PLEKHA5: variants seen among roughly 807,000 people sequenced by gnomAD.
PLEKHA5 encodes pleckstrin homology domain-containing family A member 5.
Under a neutral mutation model 181.9 loss-of-function variants are expected in PLEKHA5, and 55 were observed. That is an observed-to-expected ratio of 0.30 (90% CI 0.24 to 0.38). The LOEUF is 0.38. Among genes scored for constraint, PLEKHA5 ranks in the 10% least tolerant of loss-of-function variants. The pLI is 1.00. For missense variants in PLEKHA5, 1,432 were observed against 1,549.5 expected (o/e 0.92, Z 1.27); for synonymous variants, 535 against 529.4 (o/e 1.01, Z -0.15).
At chr12:19,249,235 A>G (rs780559804) in intron 3 of PLEKHA5, among the ~76,000 whole-genome samples, 6 of 152,240 alleles carry the variant, frequency 3.9e-5, no homozygotes, top group Non-Finnish European at 5.9e-5. Context: ...ACAGCATGCC[A>G]GCATCACTAG....
intron 22 of PLEKHA5, 143 bp from the exon 23 acceptor site, chr12:19,345,699 G>A (rs992364322): frequency 7.1e-6 from 3 of 423,942 alleles, no homozygotes; most frequent in African/African-American, 2.1e-5. Context: ...GGAGGCGGAG[G>A]TTGCAGTGAG....
intron 15 of PLEKHA5, among the ~76,000 whole-genome samples, chr12:19,297,295 A>G (rs145976362): frequency 4.6e-5 from 7 of 151,684 alleles, no homozygotes; most frequent in Non-Finnish European, 8.8e-5. Flanking sequence ...GAAGTTTTTC[A>G]TGACAAATCA....
chr12:19,304,822 T>TG (rs748675000), intron 15 of PLEKHA5, among the ~76,000 whole-genome samples: 6 of 151,882 alleles, frequency 4.0e-5, no homozygotes, highest in Non-Finnish European at 5.9e-5. Flanking sequence ...CAGCTGGATG[T>TG]GATGCCTCAT....
intron 3 of PLEKHA5, among the ~76,000 whole-genome samples, chr12:19,238,424 T>C (rs531524766): frequency 1.3e-5 from 2 of 152,226 alleles, no homozygotes; most frequent in East Asian, 1.9e-4. Flanking sequence ...CATTGAAATA[T>C]AGAAGTAGGG....
At chr12:19,159,156 G>A (rs2042411246) in intron 3 of PLEKHA5, among the ~76,000 whole-genome samples, 1 of 152,116 alleles carries the variant, frequency 6.6e-6, no homozygotes, top group South Asian at 2.1e-4. Context: ...AACACAGCTG[G>A]GAATGAAGTA....
chr12:19,171,061 T>G (rs530715667), intron 3 of PLEKHA5, among the ~76,000 whole-genome samples: 1 of 152,200 alleles, frequency 6.6e-6, no homozygotes, highest in Admixed American at 6.5e-5. Flanking sequence ...TTAATTGTGA[T>G]AGAGATATTT....
At chr12:19,321,000 C>T (rs983671120) in intron 18 of PLEKHA5, 1 of 154,076 alleles carries the variant, frequency 6.5e-6, no homozygotes, top group Admixed American at 6.5e-5. Flanking sequence ...GACCCTGTCT[C>T]TACTAAAAAT....
intron 18 of PLEKHA5, chr12:19,321,674 C>G (rs2153043605): frequency 6.6e-6 from 1 of 151,852 alleles, no homozygotes; most frequent in South Asian, 2.1e-4. Flanking sequence ...GCCCAGCCCC[C>G]TACTTTTTCT....
rs746644001 is a variant in PLEKHA5 at position 19,343,343 on chromosome 12, G to A, written c.2571G>A (p.Gln857=). The A allele has an allele frequency of 6.2e-7, 1 of 1,612,822 alleles. No individual in the cohort carries two copies. Among genetic ancestry groups the A allele is most frequent in the Non-Finnish European group, 8.5e-7 (1 of 1,178,930 alleles). ...GEVQTESAGI[Q]RAQIQKELWR... is the part of the protein sequence containing the mutation. Reference sequence around the variant, plus strand: ...GATAGACGGAATCAGCAGGAATTCAGCGTGCACAGATTCAGAAAGAACTTT... The same window carrying A: ...GATAGACGGAATCAGCAGGAATTCAACGTGCACAGATTCAGAAAGAACTTT... The change falls in exon 22 of 32, where the codon CAG becomes CAA. Residue 857 remains glutamine (Q), a synonymous_variant. Transcript: ENST00000429027.
intron 11 of PLEKHA5, among the ~76,000 whole-genome samples, chr12:19,281,427 A>T (rs556162978): frequency 6.7e-4 from 102 of 151,948 alleles, no homozygotes; most frequent in African/African-American, 2.4e-3. Flanking sequence ...AGTACAAAAA[A>T]TTAGCTGGGC....
intron 25 of PLEKHA5, among the ~76,000 whole-genome samples, chr12:19,351,832 G>A (rs2094607410): frequency 6.6e-6 from 1 of 152,112 alleles, no homozygotes; most frequent in Non-Finnish European, 1.5e-5. Flanking sequence ...TCAGCATTTT[G>A]GGAGGCCGAG....
chr12:19,194,636 G>A (rs548600559), intron 3 of PLEKHA5, among the ~76,000 whole-genome samples: 1 of 152,202 alleles, frequency 6.6e-6, no homozygotes, highest in South Asian at 2.1e-4. Flanking sequence ...CCTCTCTACT[G>A]CAGAATGACT....
rs1181696846 is a variant in PLEKHA5 at position 19,130,172 on chromosome 12, G to A, written c.169+42G>A. 4 of 1,368,592 alleles carry A rather than the reference G, an allele frequency of 2.9e-6. No individual in the cohort carries two copies. Among genetic ancestry groups the A allele is most frequent in the Non-Finnish European group, 4.0e-6 (4 of 1,009,508 alleles). The allele number at this position is 1,368,592 out of a possible 1,614,324, so 84.8% of individuals were successfully genotyped here. A position where few individuals can be genotyped will look rare whatever the true frequency, so the allele number is the denominator to read the frequency against. On this transcript the variant is annotated intron_variant, in intron 2 of 31. Transcript: ENST00000429027. This position sits in a 1 kb window ranked among gnomAD's most constrained non-coding sequence, Gnocchi z 4.5. ...ACGGAGTTGGGCTCCGCCTGGAGGA[G>A]GCGGCAGAGCCCGGGCCGCCCGGCT... is the stretch of plus-strand genomic sequence containing the variant.
chr12:19,361,000 C>T (rs2095215892), intron 28 of PLEKHA5, among the ~76,000 whole-genome samples: 1 of 152,088 alleles, frequency 6.6e-6, no homozygotes, highest in African/African-American at 2.4e-5. Context: ...CGTGATCTGC[C>T]CGCCTCAGCC....
chr12:19,267,386 A>AG (rs1430822056), intron 8 of PLEKHA5, among the ~76,000 whole-genome samples: 2 of 152,144 alleles, frequency 1.3e-5, no homozygotes, highest in African/African-American at 4.8e-5. Context: ...GGCCGGGCAC[A>AG]GGGGCTCATG....
At chr12:19,248,323 G>C (rs1348746647) in intron 3 of PLEKHA5, among the ~76,000 whole-genome samples, 1 of 152,178 alleles carries the variant, frequency 6.6e-6, no homozygotes, top group Non-Finnish European at 1.5e-5. Flanking sequence ...GCAGCCACCA[G>C]AGTAGCTGGG....
intron 3 of PLEKHA5, among the ~76,000 whole-genome samples, chr12:19,234,185 C>T (rs1341912369): frequency 6.6e-6 from 1 of 152,170 alleles, no homozygotes; most frequent in Non-Finnish European, 1.5e-5. Flanking sequence ...TAACTGAAAT[C>T]GCCTCTTGAA....
chr12:19,146,744 A>C (rs2039024099), intron 3 of PLEKHA5, among the ~76,000 whole-genome samples: 1 of 152,194 alleles, frequency 6.6e-6, no homozygotes, highest in Non-Finnish European at 1.5e-5. Context: ...GCCAACAGGA[A>C]TATGCTCTCT....
At chr12:19,287,625 A>G in intron 13 of PLEKHA5, 69 bp downstream of exon 13, 1 of 874,442 alleles carries the variant, frequency 1.1e-6, no homozygotes, top group Non-Finnish European at 1.8e-6. Context: ...CATATCTAAC[A>G]TAATTTTTAA....
Sources: allele counts gnomAD v4.1 joint callset (sites outside exome capture counted in the v4.1 genomes callset), GRCh38; gene constraint gnomAD v4.1.1; non-coding constraint Gnocchi (gnomAD v3.1); transcripts MANE v1.5; gene names NCBI Gene and HGNC (gene_info 2026-07-23, HGNC 2026-07-21).